The following AUNIP variants were observed in gnomAD, a reference collection of about 807,000 sequenced individuals.
The protein encoded by AUNIP is aurora kinase A and ninein interacting protein, also known as aurora kinase A- and ninein-interacting protein.
Under a neutral mutation model 12.2 loss-of-function variants are expected in AUNIP, and 16 were observed. The observed-to-expected ratio is 1.31, with a 90% CI of 0.88 to 1.99. The LOEUF (loss-of-function observed/expected upper bound fraction) is 1.99, where lower values mean the gene tolerates loss of function less well. AUNIP is among the 30% of genes most tolerant of loss of function. The pLI is 0.00. For missense variants in AUNIP, 411 were observed against 419.1 expected (o/e 0.98, Z 0.17); for synonymous variants, 142 against 154.8 (o/e 0.92, Z 0.61).
At chr1:25,858,841 T>C (rs1420742663) in intron 1 of AUNIP, among the ~76,000 whole-genome samples, 1 of 152,194 alleles carries the variant, frequency 6.6e-6, no homozygotes, top group East Asian at 1.9e-4. Flanking sequence ...GGCCTGCAAC[T>C]TGGCAAATTG....
downstream of AUNIP, chr1:25,832,691 G>T (rs559401656): frequency 6.4e-6 from 1 of 156,816 alleles, no homozygotes; most frequent in African/African-American, 2.4e-5. Flanking sequence ...GGCCTTATCA[G>T]TTCCACTGAT....
Position 25,834,782 on chromosome 1 carries a change from C to G in AUNIP, c.*211G>C, listed in dbSNP as rs2048286127. On this transcript the variant is annotated 3_prime_UTR_variant, in exon 3 of 3. Transcript: ENST00000374298. ...AGACTCATTCAGGGAATTTACCAGC[C>G]ACCACCTTCCTGAGGGAAAGCCATG... The G allele has an allele frequency of 1.4e-6, 2 of 1,407,860 alleles. No homozygotes were observed. Among genetic ancestry groups the G allele is most frequent in the Non-Finnish European group, 1.8e-6 (2 of 1,085,060 alleles). The allele number at this position is 1,407,860 out of a possible 1,614,324, so 87.2% of individuals were successfully genotyped here.
chr1:25,834,853 C>T lies in AUNIP; in HGVS notation c.*140G>A. The T allele has an allele frequency of 6.7e-7, 1 of 1,489,948 alleles. No individual in the cohort carries two copies. Among genetic ancestry groups the T allele is most frequent in the Non-Finnish European group, 8.9e-7 (1 of 1,128,220 alleles). 92.3% of individuals were successfully genotyped at this position (1,489,948 alleles called of 1,614,324 possible). A position where few individuals can be genotyped will look rare whatever the true frequency, so the allele number is the denominator to read the frequency against. ...ACAATGGTACTGCCCTTTATTTACACAGAGAAGATGCTCAGTAATGACAAC... is the reference window on the plus strand; with the variant it reads ...ACAATGGTACTGCCCTTTATTTACATAGAGAAGATGCTCAGTAATGACAAC... On this transcript the variant is annotated 3_prime_UTR_variant, in exon 3 of 3. Coordinates refer to ENST00000374298, the MANE Select transcript of AUNIP (RefSeq NM_024037.3).
chr1:25,837,470 C>T lies in AUNIP; in HGVS notation c.163G>A (p.Ala55Thr). 1 of 1,614,018 alleles carries T rather than the reference C, an allele frequency of 6.2e-7. No homozygotes were observed. Among genetic ancestry groups the T allele is most frequent in the Non-Finnish European group, 8.5e-7 (1 of 1,179,952 alleles). ...KANIYFTQRR[A>T]PSTGIHQRSI... ...CTCTGGTGAATGCCTGTAGATGGAG[C>T]TCTTCTTTGAGTAAAATAAATATTA... Residue 55 changes from alanine to threonine, a missense_variant, in exon 2 of 3, where the codon GCT becomes ACT. Transcript: ENST00000374298.
Position 25,837,670 on chromosome 1 carries a change from T to G in AUNIP, c.79-116A>C, listed in dbSNP as rs563727969. 6.0e-6 allele frequency: 6 copies of G among 1,005,926 alleles called. No individual in the cohort carries two copies. In the East Asian group the frequency reaches 1.6e-4, roughly 26 times the overall value. The allele number at this position is 1,005,926 out of a possible 1,614,324, so 62.3% of individuals were successfully genotyped here. ...CCACACTAGATCCTCTGTACTCCAC[T>G]TATAGCCTATTCTCAAGGTAGTTGG... On this transcript the variant is annotated intron_variant, in intron 1 of 2. Coordinates refer to ENST00000374298, the MANE Select transcript of AUNIP (RefSeq NM_024037.3).
chr1:25,841,644 C>T lies in AUNIP; in HGVS notation c.79-4090G>A, dbSNP rs571122659. On this transcript the variant is annotated intron_variant, in intron 1 of 2. Coordinates refer to ENST00000374298, the MANE Select transcript of AUNIP (RefSeq NM_024037.3). ...GTTCACGCCATTCTCCTGCCTCAGC[C>T]TCCCGAGTAGCTGGGACTACAGGTG... 1.6e-4 allele frequency among the ~76,000 whole-genome samples: 25 copies of T among 152,190 alleles called. 1 individual carries two copies. Among genetic ancestry groups the T allele is most frequent in the African/African-American group, 5.8e-4 (24 of 41,496 alleles).
intron 1 of AUNIP, among the ~76,000 whole-genome samples, chr1:25,846,142 G>A (rs56948432): frequency 3.9e-5 from 6 of 152,268 alleles, no homozygotes; most frequent in Admixed American, 1.3e-4. Flanking sequence ...CTCCCAGGCC[G>A]GGTGCGGCGG....
rs111860678 is a variant in AUNIP at position 25,859,092 on chromosome 1, C to T, written c.78+188G>A. On this transcript the variant is annotated intron_variant, in intron 1 of 2. Coordinates refer to ENST00000374298, the MANE Select transcript of AUNIP (RefSeq NM_024037.3). ...CGCTCTTTCCTTCCGTCCCTCCCAT[C>T]CTCCCCAAGCCCCGTTTTTCAACCT... 1.2e-3 allele frequency among the ~76,000 whole-genome samples: 188 copies of T among 152,210 alleles called. 1 individual carries two copies. Among genetic ancestry groups the T allele is most frequent in the African/African-American group, 4.4e-3 (183 of 41,542 alleles).
rs2124519985 is a variant in AUNIP at position 25,859,452 on chromosome 1, G to T, written c.-95C>A. 8.5e-7 allele frequency: 1 copy of T among 1,176,982 alleles called. No homozygotes were observed. 72.9% of individuals were successfully genotyped at this position (1,176,982 alleles called of 1,614,324 possible). On this transcript the variant is annotated 5_prime_UTR_variant, in exon 1 of 3. Transcript: ENST00000374298. ...GCGGCCGCCGACGTTCGGATCTCGCGCCAACGCTGGGGGCGGGGCTACGTC... is the reference window on the plus strand; with the variant it reads ...GCGGCCGCCGACGTTCGGATCTCGCTCCAACGCTGGGGGCGGGGCTACGTC...
At chr1:25,838,131 A>T (rs1347314027) in intron 1 of AUNIP, among the ~76,000 whole-genome samples, 1 of 151,748 alleles carries the variant, frequency 6.6e-6, no homozygotes, top group Non-Finnish European at 1.5e-5. Flanking sequence ...CCACTTTGCT[A>T]TGTGACCTTC....
At chr1:25,841,056 T>G (rs2048344060) in intron 1 of AUNIP, among the ~76,000 whole-genome samples, 2 of 152,196 alleles carry the variant, frequency 1.3e-5, no homozygotes, top group Non-Finnish European at 2.9e-5. Context: ...TAGCAAAACA[T>G]CTGGGAATAA....
downstream of AUNIP, chr1:25,832,103 C>G (rs1456804643): frequency 6.2e-7 from 1 of 1,609,868 alleles, no homozygotes; most frequent in Non-Finnish European, 8.5e-7. Context: ...GCAGATGTTT[C>G]TGCCTCTTAA....
rs1159770557 is a variant in AUNIP at position 25,854,953 on chromosome 1, CTTTTTTTTTTT to C, written c.78+4316_78+4326del. 5.0e-5 allele frequency among the ~76,000 whole-genome samples: 6 copies of C among 121,098 alleles called. 1 individual carries two copies. Among genetic ancestry groups the C allele is most frequent in the Admixed American group, 8.4e-5 (1 of 11,954 alleles). 79.4% of individuals were successfully genotyped at this position (121,098 alleles called of 152,430 possible). A position where few individuals can be genotyped will look rare whatever the true frequency, so the allele number is the denominator to read the frequency against. ...TTATGACCTAGATTCAGAATTCTTT[CTTTTTTTTTTT>C]TTTTTTTTTTGAGATGGGGTCTCAC... On this transcript the variant is annotated intron_variant, in intron 1 of 2. Transcript: ENST00000374298.
intron 1 of AUNIP, among the ~76,000 whole-genome samples, chr1:25,842,987 C>T (rs172498): frequency 0.19 from 28,582 of 151,652 alleles, 2,893 homozygotes; most frequent in Non-Finnish European, 0.22. Flanking sequence ...TTGAGACCAG[C>T]CTGGGCAACA....
intron 1 of AUNIP, among the ~76,000 whole-genome samples, chr1:25,851,862 G>A (rs980258522): frequency 7.9e-5 from 12 of 152,188 alleles, no homozygotes; most frequent in African/African-American, 2.6e-4. Flanking sequence ...AGCCTCCCGA[G>A]TAGCTGGGAC....
At chr1:25,853,785 G>C (rs542922316) in intron 1 of AUNIP, among the ~76,000 whole-genome samples, 1 of 152,234 alleles carries the variant, frequency 6.6e-6, no homozygotes, top group Admixed American at 6.5e-5. Flanking sequence ...TCACTAACAT[G>C]GCTGTTAACA....
chr1:25,839,537 T>G, intron 1 of AUNIP, among the ~76,000 whole-genome samples: 1 of 152,290 alleles, frequency 6.6e-6, no homozygotes, highest in Non-Finnish European at 1.5e-5. Flanking sequence ...GAATCATCCT[T>G]TAGTAGTAGA....
chr1:25,854,132 C>T (rs1445585754), intron 1 of AUNIP, among the ~76,000 whole-genome samples: 2 of 152,132 alleles, frequency 1.3e-5, no homozygotes, highest in Admixed American at 6.6e-5. Flanking sequence ...ACTGCTTCAA[C>T]CCAGCAGGTG....
At position 25,835,403 on chromosome 1, in the gene AUNIP, AT is replaced by A; in HGVS notation, c.663del (p.Lys221AsnfsTer6). 1 of 1,614,220 alleles carries A rather than the reference AT, an allele frequency of 6.2e-7. No individual in the cohort carries two copies. The highest frequency in any genetic ancestry group is 8.5e-7 in the Non-Finnish European group (1 of 1,180,040). On this transcript the variant is annotated frameshift_variant, in exon 3 of 3. Coordinates refer to ENST00000374298, the MANE Select transcript of AUNIP (RefSeq NM_024037.3). LOFTEE classifies it low-confidence loss of function (END_TRUNC). ...MEKHTKLPGD[K>X]CCQPLGKTKL... ...TTAGTCTTGCCTAAGGGCTGACAGC[AT>A]TTGTCCCCAGGTAGTTTGGTGTGTT...
Sources: gnomAD v4.1 joint callset for allele counts (sites outside exome capture counted in the v4.1 genomes callset) on GRCh38, gnomAD v4.1.1 for gene constraint, MANE v1.5 for transcripts, NCBI Gene and HGNC (gene_info 2026-07-23, HGNC 2026-07-21) for gene names.